Variants in ABCG1 observed in about 807,000 individuals in gnomAD.
ABCG1 encodes the protein ATP-binding cassette sub-family G member 1.
A neutral mutation model predicts 69.2 loss-of-function variants in ABCG1; 29 were observed. The observed-to-expected ratio is 0.42, with a 90% CI of 0.31 to 0.57. The LOEUF is 0.57. ABCG1 is among the 20% of genes least tolerant of loss of function. The pLI is 0.15. For missense variants in ABCG1, 718 were observed against 898.1 expected (o/e 0.80, Z 2.56); for synonymous variants, 370 against 374.8 (o/e 0.99, Z 0.15).
intron 6 of ABCG1, among the ~76,000 whole-genome samples, chr21:42,283,659 C>CA (rs1378663256): frequency 1.4e-5 from 2 of 142,306 alleles, no homozygotes; most frequent in African/African-American, 5.3e-5. Flanking sequence ...AGTCCCCCCC[C>CA]ACCCAAATGA....
chr21:42,217,251 T>A (rs566359044), upstream of ABCG1, among the ~76,000 whole-genome samples: 3 of 152,116 alleles, frequency 2.0e-5, no homozygotes, highest in South Asian at 6.2e-4. Context: ...AGGGGGAATG[T>A]CTAGAAGGAA....
At chr21:42,206,159 G>T (rs985194224) in intron 2 of ABCG1, among the ~76,000 whole-genome samples, 1 of 152,086 alleles carries the variant, frequency 6.6e-6, no homozygotes, top group African/African-American at 2.4e-5. Flanking sequence ...AGGAGTTAGA[G>T]ACCAGCATGG....
rs541178113 is a variant in ABCG1 at position 42,219,221 on chromosome 21, C to T, written c.-42C>T. The T allele has an allele frequency of 2.7e-4, 402 of 1,485,434 alleles. 3 individuals are homozygous for T. The African/African-American group carries it at 5.5e-3, about 20-fold the overall frequency. 92.0% of individuals were successfully genotyped at this position (1,485,434 alleles called of 1,614,324 possible). On this transcript the variant is annotated 5_prime_UTR_variant, in exon 1 of 15. Coordinates refer to ENST00000398449, the MANE Select transcript of ABCG1 (RefSeq NM_016818.3). The surrounding 1 kb of genome is among the most constrained non-coding windows in gnomAD (Gnocchi z 5.3). ...CTCGGCCCCGCAGCTCAAGCCTCGT[C>T]CCCGCCGCCGCCGCCGCCGCCGCCG...
chr21:42,259,389 G>T (rs182904847), intron 2 of ABCG1: 5 of 1,550,384 alleles, frequency 3.2e-6, no homozygotes, highest in Non-Finnish European at 4.4e-6. Flanking sequence ...GACAGACTGC[G>T]TGTCCTGCAA....
rs963122755 is a variant in ABCG1, at chr21:42,273,977, C to T, written c.537+542C>T. Among the ~76,000 whole-genome samples, 1 of 152,134 alleles carries T rather than the reference C, an allele frequency of 6.6e-6. No individual in the cohort carries two copies. Among genetic ancestry groups the T allele is most frequent in the Non-Finnish European group, 1.5e-5 (1 of 68,022 alleles). On this transcript the variant is annotated intron_variant, in intron 4 of 14. Coordinates refer to ENST00000398449, the MANE Select transcript of ABCG1 (RefSeq NM_016818.3). This position sits in a 1 kb window ranked among gnomAD's most constrained non-coding sequence, Gnocchi z 5.3. ...CTCTACACACACCAGATATGTCATC[C>T]CAAAAAAGTGGGTGGGAAATGGAGC...
At chr21:42,278,241 G>C (rs2068744490) in intron 5 of ABCG1, among the ~76,000 whole-genome samples, 1 of 152,264 alleles carries the variant, frequency 6.6e-6, no homozygotes, top group Non-Finnish European at 1.5e-5. Flanking sequence ...GCTGAAAGGC[G>C]AGAGCCCCCT....
intron 2 of ABCG1, among the ~76,000 whole-genome samples, chr21:42,266,941 C>T (rs2068515829): frequency 6.6e-6 from 1 of 152,178 alleles, no homozygotes; most frequent in Admixed American, 6.5e-5. Context: ...CCTCACCTCC[C>T]ATTTCTTTCC....
chr21:42,243,489 T>TGTGTGC lies in ABCG1; in HGVS notation c.286+17576_286+17577insTGTGCG, dbSNP rs992407170. 3.6e-4 allele frequency among the ~76,000 whole-genome samples: 51 copies of TGTGTGC among 139,858 alleles called. 1 individual carries two copies. The highest frequency in any genetic ancestry group is 2.3e-3 in the Admixed American group (33 of 14,360). The allele number at this position is 139,858 out of a possible 152,430, so 91.8% of individuals were successfully genotyped here. A position where few individuals can be genotyped will look rare whatever the true frequency, so the allele number is the denominator to read the frequency against. ...GTGTGTGTGTGTGTGTGTGTGTGTGTGCGCTGGTTTATAATATCACCTGGG... is the reference window on the plus strand; with the variant it reads ...GTGTGTGTGTGTGTGTGTGTGTGTGTGTGTGCGCGCTGGTTTATAATATCACCTGGG... On this transcript the variant is annotated intron_variant, in intron 2 of 14. Coordinates refer to ENST00000398449, the MANE Select transcript of ABCG1 (RefSeq NM_016818.3).
chr21:42,260,238 C>G, intron 2 of ABCG1: 1 of 1,527,648 alleles, frequency 6.5e-7, no homozygotes, highest in Non-Finnish European at 8.8e-7. Context: ...TGGCATTGGG[C>G]GGCAAGCATT....
intron 2 of ABCG1, among the ~76,000 whole-genome samples, chr21:42,249,057 G>T (rs2068179902): frequency 1.3e-5 from 2 of 152,160 alleles, no homozygotes; most frequent in Non-Finnish European, 2.9e-5. Context: ...GCAATTCCTG[G>T]AACACATGCA....
chr21:42,279,314 G>A (rs138100866), intron 5 of ABCG1, among the ~76,000 whole-genome samples: 21 of 152,278 alleles, frequency 1.4e-4, no homozygotes, highest in Admixed American at 6.5e-4. Context: ...AAGGCCCAAG[G>A]ACAGAGCAAA....
rs75956973 is a variant in ABCG1, at chr21:42,236,724, G to A, written c.286+10810G>A. On this transcript the variant is annotated intron_variant, in intron 2 of 14. Transcript: ENST00000398449. Reference sequence around the variant, plus strand: ...AAGCCTAAACCCACTAAGCCAACAGGGGCACACAGGAAACCAGAGATGGTG... The same window carrying A: ...AAGCCTAAACCCACTAAGCCAACAGAGGCACACAGGAAACCAGAGATGGTG... Among the ~76,000 whole-genome samples, 147 of 152,230 alleles carry A rather than the reference G, an allele frequency of 9.7e-4. 3 individuals carry two copies. The East Asian group carries it at 0.025, about 25-fold the overall frequency.
At chr21:42,233,331 C>T (rs779584174) in intron 2 of ABCG1, among the ~76,000 whole-genome samples, 3 of 152,182 alleles carry the variant, frequency 2.0e-5, no homozygotes, top group African/African-American at 7.2e-5. Flanking sequence ...CAAAAGGAGT[C>T]GTGCTGCCGT....
intron 2 of ABCG1, among the ~76,000 whole-genome samples, chr21:42,253,842 G>C (rs1321460928): frequency 6.6e-6 from 1 of 152,066 alleles, no homozygotes; most frequent in Non-Finnish European, 1.5e-5. Context: ...TGCCTCCTTG[G>C]GGTGCCTAAG....
At chr21:42,228,935 G>A (rs957912523) in intron 2 of ABCG1, among the ~76,000 whole-genome samples, 6 of 152,228 alleles carry the variant, frequency 3.9e-5, no homozygotes, top group Admixed American at 6.5e-5. Context: ...CATTAAATGC[G>A]GATCTTGTGT....
upstream of ABCG1, among the ~76,000 whole-genome samples, chr21:42,212,349 T>G (rs1028318565): frequency 6.6e-6 from 1 of 151,802 alleles, no homozygotes; most frequent in Non-Finnish European, 1.5e-5. Flanking sequence ...AGAGTGGACA[T>G]AAAGGGTGAT....
upstream of ABCG1, among the ~76,000 whole-genome samples, chr21:42,218,675 G>C (rs115273840): frequency 7.1e-3 from 1,056 of 149,564 alleles, 15 homozygotes; most frequent in African/African-American, 0.025. Context: ...TAGTCCTCAA[G>C]CTCCTACCTG....
At position 42,294,403 on chromosome 21, in the gene ABCG1, T is replaced by C. The variant is rs1476178352; in HGVS notation, c.1654-139T>C. The C allele has an allele frequency of 1.4e-5, 10 of 712,036 alleles. No individual in the cohort carries two copies. In the Admixed American group the frequency reaches 2.0e-4, roughly 14 times the overall value. 44.1% of individuals were successfully genotyped at this position (712,036 alleles called of 1,614,324 possible). On this transcript the variant is annotated intron_variant, in intron 13 of 14. Transcript: ENST00000398449. ...CACACCTCGGGAACGCTGCACCTTC[T>C]GCCACATTAAGCATCATCATTACCC...
intron 2 of ABCG1, among the ~76,000 whole-genome samples, chr21:42,268,655 G>A (rs1481527997): frequency 6.6e-6 from 1 of 152,200 alleles, no homozygotes; most frequent in Non-Finnish European, 1.5e-5. Flanking sequence ...GTACAGCCCT[G>A]AATTGGGTTT....
Sources: allele counts gnomAD v4.1 joint callset (sites outside exome capture counted in the v4.1 genomes callset), GRCh38; gene constraint gnomAD v4.1.1; non-coding constraint Gnocchi (gnomAD v3.1); transcripts MANE v1.5; gene names NCBI Gene and HGNC (gene_info 2026-07-23, HGNC 2026-07-21).